The following CD9 variants were observed in gnomAD, a reference collection of about 807,000 sequenced individuals.
CD9 encodes CD9 molecule, also known as CD9 antigen.
In CD9, 10 loss-of-function variants were observed where a neutral mutation model predicts 31.4. The observed-to-expected ratio is 0.32, with a 90% CI of 0.20 to 0.54. CD9 has a LOEUF of 0.54. Among genes scored for constraint, CD9 ranks in the 20% least tolerant of loss-of-function variants. The pLI is 0.94. For synonymous variants in CD9, 113 were observed against 114.1 expected (o/e 0.99, Z 0.06); for missense variants, 259 against 300.1 (o/e 0.86, Z 1.01).
chr12:6,230,256 C>T (rs558452914), intron 2 of CD9, among the ~76,000 whole-genome samples: 19 of 152,310 alleles, frequency 1.2e-4, no homozygotes, highest in Admixed American at 5.2e-4. Flanking sequence ...TAGCCATCCA[C>T]GCAAGATTTA....
At chr12:6,209,721 G>C (rs1946172625) in intron 1 of CD9, among the ~76,000 whole-genome samples, 1 of 133,592 alleles carries the variant, frequency 7.5e-6, no homozygotes. Context: ...GTCTCATTCT[G>C]TTGCCCAGGC....
At position 6,217,758 on chromosome 12, in the gene CD9, G is replaced by C. The variant is rs957389419; in HGVS notation, c.67-7668G>C. ...GGGAAGAAAGTTCTCCCTCCTTCCTGGACTCCATCCACTCACCACTGCCCA... is the reference window on the plus strand; with the variant it reads ...GGGAAGAAAGTTCTCCCTCCTTCCTCGACTCCATCCACTCACCACTGCCCA... On this transcript the variant is annotated intron_variant, in intron 1 of 7. Transcript: ENST00000009180. Among the ~76,000 whole-genome samples, 106 of 152,230 alleles carry C rather than the reference G, an allele frequency of 7.0e-4. 1 individual carries two copies. Among genetic ancestry groups the C allele is most frequent in the African/African-American group, 2.4e-3 (99 of 41,534 alleles).
intron 1 of CD9, among the ~76,000 whole-genome samples, chr12:6,217,053 G>A (rs577871364): frequency 4.6e-5 from 7 of 152,240 alleles, no homozygotes; most frequent in South Asian, 2.1e-4. Context: ...GGACTGTAAC[G>A]TTCAGAGAAG....
intron 1 of CD9, among the ~76,000 whole-genome samples, chr12:6,206,292 T>C (rs1483359050): frequency 1.3e-5 from 2 of 151,956 alleles, no homozygotes; most frequent in African/African-American, 4.8e-5. Flanking sequence ...TCATGGCTCA[T>C]GGCTCACTGC....
At chr12:6,217,073 G>A (rs1946251070) in intron 1 of CD9, among the ~76,000 whole-genome samples, 1 of 152,200 alleles carries the variant, frequency 6.6e-6, no homozygotes, top group South Asian at 2.1e-4. Context: ...GCTGAGGAAA[G>A]TGTGTAGTGT....
intron 1 of CD9, among the ~76,000 whole-genome samples, chr12:6,219,031 A>G (rs1413255347): frequency 2.6e-5 from 4 of 151,954 alleles, no homozygotes; most frequent in Non-Finnish European, 5.9e-5. Context: ...TTGGAGATGG[A>G]GTCTCGCTGT....
At chr12:6,209,946 A>G (rs1946175980) in intron 1 of CD9, among the ~76,000 whole-genome samples, 1 of 152,148 alleles carries the variant, frequency 6.6e-6, no homozygotes, top group African/African-American at 2.4e-5. Context: ...CGGCCTTCCA[A>G]AGTGCTGGGA....
intron 1 of CD9, among the ~76,000 whole-genome samples, chr12:6,209,575 C>T (rs1565419408): frequency 6.6e-6 from 1 of 152,078 alleles, no homozygotes; most frequent in Non-Finnish European, 1.5e-5. Flanking sequence ...TTCCTGTCTA[C>T]AAGCCTGAGA....
intron 6 of CD9, chr12:6,235,834 A>C: frequency 7.3e-7 from 1 of 1,374,214 alleles, no homozygotes; most frequent in Non-Finnish European, 9.4e-7. Context: ...CGTGCTTCTG[A>C]GTCTTGGACT....
At chr12:6,215,092 T>C (rs1182184285) in intron 1 of CD9, among the ~76,000 whole-genome samples, 1 of 152,118 alleles carries the variant, frequency 6.6e-6, no homozygotes, top group Non-Finnish European at 1.5e-5. Context: ...CTCACAGTGC[T>C]GGTCAAAGCA....
rs1208525795 is a variant in CD9 at position 6,225,499 on chromosome 12, A to C, written c.140A>C (p.Gln47Pro). The change falls in exon 2 of 8, where the codon CAA (glutamine) becomes CCA (proline). Residue 47 changes from glutamine to proline, a missense_variant. By Grantham distance (76) the Gln-to-Pro change is moderately conservative. Coordinates refer to ENST00000009180, the MANE Select transcript of CD9 (RefSeq NM_001769.4). Reference protein sequence around the residue: ...FDSQTKSIFEQETNNNNSSFY... With the variant: ...FDSQTKSIFEPETNNNNSSFY... ...TCTCAGACCAAGAGCATCTTCGAGC[A>C]AGAAACTAATAATAATAATTCCAGC... 3 of 1,612,470 alleles carry C rather than the reference A, an allele frequency of 1.9e-6. No individual in the cohort carries two copies. Among genetic ancestry groups the C allele is most frequent in the Non-Finnish European group, 2.5e-6 (3 of 1,178,516 alleles).
At position 6,232,673 on chromosome 12, in the gene CD9, G is replaced by T; in HGVS notation, c.217G>T (p.Val73Leu). The T allele has an allele frequency of 6.3e-7, 1 of 1,583,016 alleles. No homozygotes were observed. Among genetic ancestry groups the T allele is most frequent in the Non-Finnish European group, 8.6e-7 (1 of 1,167,552 alleles). ...LIGAGALMML[V>L]GFLGCCGAVQ... ...CGGAGCCGGCGCCCTCATGATGCTG[G>T]TGGGCTTCCTGGGCTGCTGCGGGGC... The change falls in exon 3 of 8, where the codon GTG (valine) becomes TTG (leucine). Residue 73 changes from valine (V) to leucine (L), a missense_variant. Physicochemically the swap from Val to Leu is conservative, Grantham distance 32. Coordinates refer to ENST00000009180, the MANE Select transcript of CD9 (RefSeq NM_001769.4). This position sits in a 1 kb window ranked among gnomAD's most constrained non-coding sequence, Gnocchi z 4.8.
chr12:6,205,451 C>T (rs930580459), intron 1 of CD9, among the ~76,000 whole-genome samples: 1 of 152,198 alleles, frequency 6.6e-6, no homozygotes, highest in African/African-American at 2.4e-5. Flanking sequence ...TTTGGGAGTG[C>T]TTTGATATGC....
intron 1 of CD9, among the ~76,000 whole-genome samples, chr12:6,224,718 C>T (rs1946339911): frequency 1.3e-5 from 2 of 152,324 alleles, no homozygotes; most frequent in South Asian, 4.1e-4. Flanking sequence ...GGGAGCTCAG[C>T]TGGCACTGGG....
intron 1 of CD9, among the ~76,000 whole-genome samples, chr12:6,203,578 T>C (rs530706433): frequency 6.6e-6 from 1 of 152,234 alleles, no homozygotes; most frequent in Non-Finnish European, 1.5e-5. Context: ...TGTGGGTCAC[T>C]CCCTGATGGC....
At chr12:6,235,671 T>C in intron 6 of CD9, 106 bp downstream of exon 6, 11 of 1,458,826 alleles carry the variant, frequency 7.5e-6, no homozygotes, top group Non-Finnish European at 1.0e-5. Context: ...AGACCCGTTC[T>C]GCCTGTGAAA....
Position 6,236,882 on chromosome 12 carries a change from G to A in CD9, c.621+607G>A, listed in dbSNP as rs185693923. On this transcript the variant is annotated intron_variant, in intron 7 of 7. Coordinates refer to ENST00000009180, the MANE Select transcript of CD9 (RefSeq NM_001769.4). The stretch of plus-strand genomic sequence containing the variant: ...CCAGACTGCCCCCAAAGAGAGAATC[G>A]CCTCCTTTCTTAGTGGTTATTTGCA... 1.9e-4 allele frequency: 37 copies of A among 194,914 alleles called. No individual in the cohort carries two copies. In the Admixed American group the frequency reaches 2.0e-3, roughly 11 times the overall value. 12.1% of individuals were successfully genotyped at this position (194,914 alleles called of 1,614,324 possible).
chr12:6,235,786 C>T (rs1429579865), intron 6 of CD9: 81 of 1,391,112 alleles, frequency 5.8e-5, no homozygotes, highest in African/African-American at 1.0e-4. Flanking sequence ...GTTCTGGCAC[C>T]GCCCACTGCT....
In CD9 at chr12:6,201,361, C is replaced by T. The variant is rs140108338; in HGVS notation, c.66+796C>T. Among the ~76,000 whole-genome samples, 797 of 152,338 alleles carry T rather than the reference C, an allele frequency of 5.2e-3. 19 individuals are homozygous for T. Among genetic ancestry groups the T allele is most frequent in the Non-Finnish European group, 2.6e-3 (179 of 68,036 alleles). On this transcript the variant is annotated intron_variant, in intron 1 of 7. Coordinates refer to ENST00000009180, the MANE Select transcript of CD9 (RefSeq NM_001769.4). ...TATCTGCGCCTCTAGTGGGATGAGT[C>T]CTGTGTGTGCATTTCCGGGAGAGAT... is the stretch of plus-strand genomic sequence containing the variant.
Sources: allele counts gnomAD v4.1 joint callset (sites outside exome capture counted in the v4.1 genomes callset), GRCh38; gene constraint gnomAD v4.1.1; non-coding constraint Gnocchi (gnomAD v3.1); transcripts MANE v1.5; gene names NCBI Gene and HGNC (gene_info 2026-07-23, HGNC 2026-07-21).